L3MBTL4: variants seen among roughly 807,000 people sequenced by gnomAD.
The protein encoded by L3MBTL4 is lethal(3)malignant brain tumor-like protein 4.
Under a neutral mutation model 84.5 loss-of-function variants are expected in L3MBTL4, and 70 were observed. The ratio of observed to expected loss-of-function variants is 0.83; its 90% CI spans 0.68 to 1.01. L3MBTL4 has a LOEUF of 1.01. Ranked by LOEUF, L3MBTL4 falls within the 50% of genes least tolerant of loss-of-function variation. The probability of loss-of-function intolerance (pLI) is 0.00; values close to 1 mark genes in which losing one functional copy is unlikely to be tolerated. For missense variants in L3MBTL4, 715 were observed against 754.8 expected, an observed-to-expected ratio of 0.95 and a Z score of 0.62; for synonymous variants, 274 against 259.8, an observed-to-expected ratio of 1.05 and a Z score of -0.52.
chr18:5,977,137 C>T (rs2052978141), intron 16 of L3MBTL4, among the ~76,000 whole-genome samples: 1 of 152,196 alleles, frequency 6.6e-6, no homozygotes, highest in African/African-American at 2.4e-5. Flanking sequence ...GGTCCCTCTG[C>T]ACTCAGGCCA....
intron 16 of L3MBTL4, among the ~76,000 whole-genome samples, chr18:6,042,335 C>T (rs909059255): frequency 1.3e-5 from 2 of 152,020 alleles, no homozygotes; most frequent in Non-Finnish European, 2.9e-5. Context: ...AGTGCCCTCA[C>T]TTACAAAACA....
At chr18:6,393,438 C>G (rs1277582164) in intron 1 of L3MBTL4, among the ~76,000 whole-genome samples, 1 of 152,146 alleles carries the variant, frequency 6.6e-6, no homozygotes, top group Non-Finnish European at 1.5e-5. Flanking sequence ...AATGAAAGCC[C>G]ACAATGCTCC....
chr18:6,075,704 CATT>C (rs1362688782), intron 16 of L3MBTL4, among the ~76,000 whole-genome samples: 1 of 152,006 alleles, frequency 6.6e-6, no homozygotes, highest in African/African-American at 2.4e-5. Flanking sequence ...CACAAGGCAT[CATT>C]AAGAGTGTGA....
chr18:6,375,534 C>A (rs1747174016), intron 1 of L3MBTL4, among the ~76,000 whole-genome samples: 1 of 152,150 alleles, frequency 6.6e-6, no homozygotes, highest in Non-Finnish European at 1.5e-5. Context: ...GTGAGGGACA[C>A]TTCCACAGCC....
At chr18:6,031,904 G>T in intron 16 of L3MBTL4, 1 of 884,764 alleles carries the variant, frequency 1.1e-6, no homozygotes, top group African/African-American at 1.8e-5. Flanking sequence ...TGGGCTTTTA[G>T]AGTAATGGTC....
At chr18:6,222,252 A>T (rs866661721) in intron 10 of L3MBTL4, among the ~76,000 whole-genome samples, 56 of 152,340 alleles carry the variant, frequency 3.7e-4, no homozygotes, top group Admixed American at 1.3e-3. Context: ...TTGATCATTA[A>T]TTAGTTTCTA....
chr18:6,108,093 G>T (rs1004456019), intron 14 of L3MBTL4, among the ~76,000 whole-genome samples: 22 of 152,098 alleles, frequency 1.4e-4, no homozygotes, highest in African/African-American at 5.3e-4. Context: ...TTTGAGCAAG[G>T]AGACTCTCAG....
chr18:6,266,878 G>A (rs529242575), intron 4 of L3MBTL4, among the ~76,000 whole-genome samples: 6 of 152,076 alleles, frequency 3.9e-5, no homozygotes, highest in South Asian at 2.1e-4. Flanking sequence ...AGTGAAGATC[G>A]TGCCATTGCA....
chr18:6,186,208 A>G (rs908852769), intron 12 of L3MBTL4, among the ~76,000 whole-genome samples: 2 of 151,146 alleles, frequency 1.3e-5, no homozygotes, highest in Non-Finnish European at 3.0e-5. Context: ...TGTATTTAGT[A>G]GATTTTTGTA....
chr18:6,331,147 T>C (rs914256560), intron 1 of L3MBTL4, among the ~76,000 whole-genome samples: 1 of 152,170 alleles, frequency 6.6e-6, no homozygotes, highest in Admixed American at 6.5e-5. Context: ...TTGCTTTTTA[T>C]TCCTATCTGG....
intron 1 of L3MBTL4, among the ~76,000 whole-genome samples, chr18:6,339,637 T>C (rs890962106): frequency 5.3e-5 from 8 of 151,896 alleles, no homozygotes; most frequent in Non-Finnish European, 1.2e-4. Flanking sequence ...AAATGCACAA[T>C]AGACAAAGCC....
chr18:6,089,510 A>G (rs2058369693), intron 15 of L3MBTL4, among the ~76,000 whole-genome samples: 1 of 152,184 alleles, frequency 6.6e-6, no homozygotes. Context: ...AAGACTAAAT[A>G]TGAACCTAGC....
intron 16 of L3MBTL4, among the ~76,000 whole-genome samples, chr18:6,051,484 A>G (rs1046239591): frequency 2.6e-5 from 4 of 152,018 alleles, no homozygotes; most frequent in Admixed American, 6.6e-5. Context: ...GGTTGCAGTG[A>G]GCTGAGATCA....
At chr18:5,965,042 C>T (rs976057135) in intron 17 of L3MBTL4, among the ~76,000 whole-genome samples, 15 of 152,206 alleles carry the variant, frequency 9.9e-5, no homozygotes, top group Admixed American at 2.0e-4. Flanking sequence ...CAGAGTAAGA[C>T]ACATACTTTA....
chr18:6,109,005 C>A (rs2059103615), intron 14 of L3MBTL4, among the ~76,000 whole-genome samples: 1 of 152,096 alleles, frequency 6.6e-6, no homozygotes, highest in Non-Finnish European at 1.5e-5. Flanking sequence ...AACCAATGTC[C>A]TATGGGTACC....
In L3MBTL4 at chr18:5,959,417, G is replaced by C. The variant is rs540198757; in HGVS notation, c.1677+677C>G. Reference sequence around the variant, plus strand: ...CACATGGCAAGCCCCTGATACACAAGCACTGGGATTAGTATGTGCATCATT... The same window carrying C: ...CACATGGCAAGCCCCTGATACACAACCACTGGGATTAGTATGTGCATCATT... On this transcript the variant is annotated intron_variant, in intron 18 of 18. Transcript: ENST00000317931. 6.6e-5 allele frequency among the ~76,000 whole-genome samples: 10 copies of C among 152,310 alleles called. No homozygotes were observed. In the South Asian group the frequency reaches 2.1e-3, roughly 32 times the overall value.
At chr18:6,226,623 T>G (rs2046794827) in intron 10 of L3MBTL4, among the ~76,000 whole-genome samples, 1 of 152,096 alleles carries the variant, frequency 6.6e-6, no homozygotes, top group African/African-American at 2.4e-5. Context: ...AAATAAACTG[T>G]TGTACTATGG....
At chr18:5,963,517 C>T (rs1335890168) in intron 17 of L3MBTL4, among the ~76,000 whole-genome samples, 2 of 152,226 alleles carry the variant, frequency 1.3e-5, no homozygotes, top group Non-Finnish European at 2.9e-5. Context: ...TGGCCACCCT[C>T]CTCGGCTTCA....
intron 4 of L3MBTL4, among the ~76,000 whole-genome samples, chr18:6,269,443 C>T (rs569160742): frequency 2.7e-4 from 41 of 151,934 alleles, no homozygotes; most frequent in African/African-American, 9.4e-4. Context: ...GGTGACGGAG[C>T]GAGACTCTGC....
Sources: gnomAD v4.1 joint callset for allele counts (sites outside exome capture counted in the v4.1 genomes callset) on GRCh38, gnomAD v4.1.1 for gene constraint, MANE v1.5 for transcripts, NCBI Gene and HGNC (gene_info 2026-07-23, HGNC 2026-07-21) for gene names.